SRBD1: variants seen among roughly 807,000 people sequenced by gnomAD.
SRBD1 encodes S1 RNA-binding domain-containing protein 1.
SRBD1 carries 88 observed loss-of-function variants against 115.3 expected under a neutral mutation model. The observed-to-expected ratio is 0.76, with a 90% CI of 0.64 to 0.91. The LOEUF is 0.91. SRBD1 is among the 40% of genes least tolerant of loss of function. The pLI is 0.00. For synonymous variants in SRBD1, 509 were observed against 407.7 expected, an observed-to-expected ratio of 1.25 and a Z score of -2.99; for missense variants, 1,385 against 1,177.4, an observed-to-expected ratio of 1.18 and a Z score of -2.58.
chr2:45,409,866 T>G (rs1270833021), intron 19 of SRBD1, among the ~76,000 whole-genome samples: 1 of 152,072 alleles, frequency 6.6e-6, no homozygotes, highest in Non-Finnish European at 1.5e-5. Flanking sequence ...ATGACCTAAA[T>G]AAATGCTGAC....
intron 8 of SRBD1, 21 bp downstream of exon 8, chr2:45,574,606 C>G: frequency 6.2e-7 from 1 of 1,606,802 alleles, no homozygotes. Flanking sequence ...AAGCAGAAAA[C>G]TCCATAAAAG....
chr2:45,397,659 A>G (rs2103823867), intron 19 of SRBD1, among the ~76,000 whole-genome samples: 1 of 152,342 alleles, frequency 6.6e-6, no homozygotes, highest in Middle Eastern at 3.4e-3. Flanking sequence ...GGGCTGTAGC[A>G]GTGGTGCAAT....
At chr2:45,401,915 G>A (rs148262986) in intron 19 of SRBD1, among the ~76,000 whole-genome samples, 74 of 152,194 alleles carry the variant, frequency 4.9e-4, no homozygotes, top group African/African-American at 1.6e-3. Context: ...TTCTTTGCTC[G>A]GCAGTAAGCT....
At chr2:45,412,825 T>C (rs547940572) in intron 19 of SRBD1, among the ~76,000 whole-genome samples, 1 of 152,338 alleles carries the variant, frequency 6.6e-6, no homozygotes, top group Non-Finnish European at 1.5e-5. Context: ...GTCAATTGTG[T>C]CTTGTTAATT....
chr2:45,479,190 C>G (rs940375158), intron 15 of SRBD1, among the ~76,000 whole-genome samples: 1 of 152,078 alleles, frequency 6.6e-6, no homozygotes, highest in African/African-American at 2.4e-5. Flanking sequence ...CCCTATTCCC[C>G]GACACACAAC....
intron 16 of SRBD1, among the ~76,000 whole-genome samples, chr2:45,432,044 T>TATTTATTTATTA: frequency 7.0e-6 from 1 of 143,400 alleles, no homozygotes; most frequent in South Asian, 2.2e-4. Context: ...TTTATTTATT[T>TATTTATTTATTA]ATTGAGATGG....
At chr2:45,401,101 T>C (rs1667280794) in intron 19 of SRBD1, among the ~76,000 whole-genome samples, 1 of 152,180 alleles carries the variant, frequency 6.6e-6, no homozygotes. Context: ...TTTGAAAATA[T>C]GAATGTTACT....
intron 16 of SRBD1, among the ~76,000 whole-genome samples, chr2:45,464,792 T>C (rs1056380327): frequency 3.3e-5 from 5 of 152,096 alleles, no homozygotes; most frequent in African/African-American, 7.2e-5. Context: ...TTCAGGTAAC[T>C]GAAGTCTGAA....
chr2:45,444,028 C>T (rs1050824113), intron 16 of SRBD1, among the ~76,000 whole-genome samples: 1 of 152,026 alleles, frequency 6.6e-6, no homozygotes, highest in African/African-American at 2.4e-5. Context: ...CAAAATGTTA[C>T]AGAGAATCTA....
chr2:45,604,557 T>G (rs994248787), intron 2 of SRBD1, among the ~76,000 whole-genome samples: 1 of 152,196 alleles, frequency 6.6e-6, no homozygotes, highest in Non-Finnish European at 1.5e-5. Flanking sequence ...GTCTCTAGAC[T>G]GGCCACACTG....
chr2:45,501,737 G>A (rs1001840501), intron 14 of SRBD1, among the ~76,000 whole-genome samples: 1 of 152,296 alleles, frequency 6.6e-6, no homozygotes, highest in Admixed American at 6.5e-5. Flanking sequence ...CAGCAAGGCT[G>A]GGGTAGGGGC....
intron 16 of SRBD1, among the ~76,000 whole-genome samples, chr2:45,422,467 T>C (rs1364937194): frequency 6.6e-6 from 1 of 152,150 alleles, no homozygotes; most frequent in Non-Finnish European, 1.5e-5. Context: ...ATTAAATCAG[T>C]GATTTGCCAC....
At chr2:45,444,268 G>A (rs938670772) in intron 16 of SRBD1, among the ~76,000 whole-genome samples, 4 of 152,148 alleles carry the variant, frequency 2.6e-5, no homozygotes, top group Non-Finnish European at 4.4e-5. Flanking sequence ...TTACCTGGGT[G>A]TGGTGGTGCA....
chr2:45,450,377 G>A (rs1451259831), intron 16 of SRBD1, among the ~76,000 whole-genome samples: 3 of 152,054 alleles, frequency 2.0e-5, no homozygotes, highest in African/African-American at 7.2e-5. Context: ...AATGAAAAAT[G>A]TTAATAAACT....
chr2:45,573,333 C>A lies in SRBD1; in HGVS notation c.1179G>T (p.Lys393Asn). The change falls in exon 9 of 21, where the codon AAG becomes AAT. Residue 393 changes from lysine to asparagine, a missense_variant. Physicochemically the swap from Lys to Asn is moderately conservative, Grantham distance 94 (BLOSUM62 0). Coordinates refer to ENST00000263736, the MANE Select transcript of SRBD1 (RefSeq NM_018079.5). ...GAGATGACTGGATACAAACATGTCT[C>A]TTCTGGCACCTGTTCAGATACACAA... is the stretch of plus-strand genomic sequence containing the variant. The part of the protein sequence containing the change: ...TLDFIRNLCQ[K>N]RHVCIQSSLA... The A allele has an allele frequency of 1.2e-6, 2 of 1,608,528 alleles. No homozygotes were observed. The highest frequency in any genetic ancestry group is 8.5e-7 in the Non-Finnish European group (1 of 1,178,276).
At chr2:45,571,518 A>AAAAAAAAACAAAAAAAAAAC (rs1673011996) in intron 9 of SRBD1, among the ~76,000 whole-genome samples, 1 of 59,222 alleles carries the variant, frequency 1.7e-5, no homozygotes, top group African/African-American at 8.7e-5. Context: ...AGACTTTACC[A>AAAAAAAAACAAAAAAAAAAC]AAAAAAAAAA....
At chr2:45,398,869 T>C (rs1667219050) in intron 19 of SRBD1, among the ~76,000 whole-genome samples, 1 of 152,134 alleles carries the variant, frequency 6.6e-6, no homozygotes, top group Non-Finnish European at 1.5e-5. Flanking sequence ...TATCATATAA[T>C]TTAAACAACT....
chr2:45,504,990 C>G (rs918234710), intron 14 of SRBD1, among the ~76,000 whole-genome samples: 1 of 152,072 alleles, frequency 6.6e-6, no homozygotes, highest in Non-Finnish European at 1.5e-5. Flanking sequence ...ACCTTTACTT[C>G]TACAAAGATC....
intron 16 of SRBD1, among the ~76,000 whole-genome samples, chr2:45,420,132 C>T (rs1388031197): frequency 6.6e-6 from 1 of 152,126 alleles, no homozygotes. Context: ...TTTCCCTTGC[C>T]TGAAATTGTG....
Sources: gnomAD v4.1 joint callset for allele counts (sites outside exome capture counted in the v4.1 genomes callset) on GRCh38, gnomAD v4.1.1 for gene constraint, MANE v1.5 for transcripts, NCBI Gene and HGNC (gene_info 2026-07-23, HGNC 2026-07-21) for gene names.